The following IGSF11 variants were observed in gnomAD, a reference collection of about 807,000 sequenced individuals.
The protein encoded by IGSF11 is CXADR like 1.
Under a neutral mutation model 41.0 loss-of-function variants are expected in IGSF11, and 22 were observed. The ratio of observed to expected loss-of-function variants is 0.54; its 90% CI spans 0.38 to 0.77. The LOEUF (loss-of-function observed/expected upper bound fraction) is 0.77, where lower values mean the gene tolerates loss of function less well. Ranked by LOEUF, IGSF11 falls within the 30% of genes least tolerant of loss-of-function variation. The pLI, the probability that IGSF11 is intolerant of heterozygous loss-of-function variation, is 0.00. For synonymous variants in IGSF11, 219 were observed against 201.3 expected, an observed-to-expected ratio of 1.09 and a Z score of -0.74; for missense variants, 444 against 530.8, an observed-to-expected ratio of 0.84 and a Z score of 1.61.
At chr3:119,081,102 C>G (rs899599564) in intron 1 of IGSF11, among the ~76,000 whole-genome samples, 2 of 152,078 alleles carry the variant, frequency 1.3e-5, no homozygotes, top group African/African-American at 4.8e-5. Flanking sequence ...TTTACAACAG[C>G]TGATTGAGCA....
At chr3:118,989,135 G>C (rs893826354) in intron 1 of IGSF11, among the ~76,000 whole-genome samples, 1 of 152,146 alleles carries the variant, frequency 6.6e-6, no homozygotes, top group Admixed American at 6.5e-5. Context: ...AAGATGGGAA[G>C]ACAAAACACA....
chr3:119,120,454 CA>C (rs990409814), intron 1 of IGSF11, among the ~76,000 whole-genome samples: 9 of 151,740 alleles, frequency 5.9e-5, no homozygotes, highest in African/African-American at 2.2e-4. Flanking sequence ...GTTTAATAGG[CA>C]AAAAAGAAGA....
intron 1 of IGSF11, among the ~76,000 whole-genome samples, chr3:118,955,032 T>C (rs1173099811): frequency 6.6e-6 from 1 of 152,170 alleles, no homozygotes; most frequent in African/African-American, 2.4e-5. Context: ...AGAACTACCA[T>C]TTGATCCAGC....
At chr3:119,001,269 T>C (rs903070890) in intron 1 of IGSF11, among the ~76,000 whole-genome samples, 1 of 150,914 alleles carries the variant, frequency 6.6e-6, no homozygotes, top group Non-Finnish European at 1.5e-5. Flanking sequence ...CGTCCTCTAA[T>C]ATTTTATATA....
At chr3:119,009,850 A>C (rs75398650) in intron 1 of IGSF11, among the ~76,000 whole-genome samples, 1 of 152,192 alleles carries the variant, frequency 6.6e-6, no homozygotes, top group Admixed American at 6.5e-5. Context: ...AGGTACTATA[A>C]GGAACGTAAC....
intron 1 of IGSF11, among the ~76,000 whole-genome samples, chr3:119,027,410 T>C (rs908828488): frequency 2.0e-5 from 3 of 152,100 alleles, no homozygotes; most frequent in Non-Finnish European, 4.4e-5. Context: ...CAAACCAAGA[T>C]GGGATATCAC....
At chr3:119,046,691 G>C (rs1178824012) in intron 1 of IGSF11, among the ~76,000 whole-genome samples, 3 of 152,018 alleles carry the variant, frequency 2.0e-5, no homozygotes, top group Non-Finnish European at 2.9e-5. Context: ...ACACATAATT[G>C]TCAGATTCAC....
chr3:119,122,822 G>T (rs905296945), intron 1 of IGSF11, among the ~76,000 whole-genome samples: 22 of 152,150 alleles, frequency 1.4e-4, no homozygotes, highest in Admixed American at 7.9e-4. Context: ...AAGCCCTTGG[G>T]AACTGAATAA....
chr3:118,915,205 T>A (rs1443648976), intron 4 of IGSF11, among the ~76,000 whole-genome samples: 5 of 137,636 alleles, frequency 3.6e-5, no homozygotes, highest in African/African-American at 9.1e-5. Context: ...GCGCCTCTCC[T>A]CCTCCAAAGG....
At chr3:118,996,892 C>A (rs567336815) in intron 1 of IGSF11, among the ~76,000 whole-genome samples, 1 of 152,272 alleles carries the variant, frequency 6.6e-6, no homozygotes, top group South Asian at 2.1e-4. Flanking sequence ...AGCCACCGCG[C>A]CTGGCCGAGA....
At chr3:118,978,211 C>T (rs1018364551) in intron 1 of IGSF11, among the ~76,000 whole-genome samples, 5 of 152,304 alleles carry the variant, frequency 3.3e-5, no homozygotes, top group East Asian at 1.9e-4. Context: ...GCACTCCTCC[C>T]AGTGTCTAGG....
At chr3:118,997,739 T>C (rs1936415678) in intron 1 of IGSF11, among the ~76,000 whole-genome samples, 1 of 152,168 alleles carries the variant, frequency 6.6e-6, no homozygotes, top group Admixed American at 6.5e-5. Context: ...AAAAGTTACC[T>C]TCATTCCTCT....
intron 1 of IGSF11, among the ~76,000 whole-genome samples, chr3:119,068,846 A>T (rs927060995): frequency 2.0e-5 from 3 of 151,940 alleles, no homozygotes; most frequent in Non-Finnish European, 4.4e-5. Context: ...CATAACTTAC[A>T]GTCTTTCTTA....
intron 1 of IGSF11, among the ~76,000 whole-genome samples, chr3:119,082,574 C>G (rs1299108885): frequency 6.6e-6 from 1 of 152,158 alleles, no homozygotes; most frequent in Non-Finnish European, 1.5e-5. Flanking sequence ...TACGTTTATA[C>G]TATTCTTCCA....
chr3:118,983,559 T>C (rs1489820702), intron 1 of IGSF11: 3 of 152,200 alleles, frequency 2.0e-5, no homozygotes, highest in African/African-American at 4.8e-5. Flanking sequence ...GTACCTCCTA[T>C]CACCCAGGCA....
chr3:118,970,810 A>C (rs1355110535), intron 1 of IGSF11, among the ~76,000 whole-genome samples: 1 of 152,142 alleles, frequency 6.6e-6, no homozygotes, highest in Non-Finnish European at 1.5e-5. Context: ...AAGCATTAAA[A>C]TCTGCTTTTC....
rs1553728431 is a variant in IGSF11, at chr3:119,091,993, T to TTG, written c.49+13150_49+13151insCA. On this transcript the variant is annotated intron_variant, in intron 1 of 6. Transcript: ENST00000354673. ...TTTGTTTTTTGGTTTTTGGTTTTTT[T>TTG]GGGGGGGGGGGGTTGGTGGTTTTTT... is the stretch of plus-strand genomic sequence containing the variant. Among the ~76,000 whole-genome samples the TTG allele has an allele frequency of 4.9e-4, 64 of 129,298 alleles. 2 individuals carry two copies. The highest frequency in any genetic ancestry group is 2.0e-3 in the African/African-American group (63 of 31,668). The allele number at this position is 129,298 out of a possible 152,430, so 84.8% of individuals were successfully genotyped here. A position where few individuals can be genotyped will look rare whatever the true frequency, so the allele number is the denominator to read the frequency against.
At chr3:119,121,463 G>C (rs968148205) in intron 1 of IGSF11, among the ~76,000 whole-genome samples, 1 of 151,994 alleles carries the variant, frequency 6.6e-6, no homozygotes, top group Non-Finnish European at 1.5e-5. Flanking sequence ...GATTAGAGCA[G>C]GCAGAAGAAT....
upstream of IGSF11, among the ~76,000 whole-genome samples, chr3:119,106,502 C>T (rs945060725): frequency 2.0e-5 from 3 of 152,178 alleles, no homozygotes; most frequent in Non-Finnish European, 4.4e-5. Flanking sequence ...TAATGACCTA[C>T]AGTTCCATCC....
Sources: gnomAD v4.1 joint callset for allele counts (sites outside exome capture counted in the v4.1 genomes callset) on GRCh38, gnomAD v4.1.1 for gene constraint, MANE v1.5 for transcripts, NCBI Gene and HGNC (gene_info 2026-07-23, HGNC 2026-07-21) for gene names.